CNTNAP5: variants seen among roughly 807,000 people sequenced by gnomAD.
The protein encoded by CNTNAP5 is contactin-associated protein-like 5.
Under a neutral mutation model 150.2 loss-of-function variants are expected in CNTNAP5, and 72 were observed. The observed-to-expected ratio is 0.48, with a 90% CI of 0.40 to 0.58. CNTNAP5 has a LOEUF of 0.58. CNTNAP5 is among the 20% of genes least tolerant of loss of function. The probability of loss-of-function intolerance (pLI) is 0.00; values close to 1 mark genes in which losing one functional copy is unlikely to be tolerated. For synonymous variants in CNTNAP5, 672 were observed against 619.8 expected (o/e 1.08, Z -1.25); for missense variants, 1,636 against 1,626.2 (o/e 1.01, Z -0.10).
At chr2:124,220,146 A>G (rs549521963) in intron 1 of CNTNAP5, among the ~76,000 whole-genome samples, 1 of 144,978 alleles carries the variant, frequency 6.9e-6, no homozygotes, top group Non-Finnish European at 1.5e-5. Flanking sequence ...AATGTTCTTT[A>G]AAAAAAAAAA....
chr2:124,798,182 T>A lies in CNTNAP5; in HGVS notation c.3079T>A (p.Ser1027Thr), dbSNP rs1460218213. 1 of 1,613,772 alleles carries A rather than the reference T, an allele frequency of 6.2e-7. No homozygotes were observed. Among genetic ancestry groups the A allele is most frequent in the Non-Finnish European group, 8.5e-7 (1 of 1,179,810 alleles). ...TGTGACCAAGAATATAAGCCTCTCA[T>A]CCTCAGCTATTTACACAGATTCAGC... The part of the protein sequence containing the change: ...YPVTKNISLS[S>T]SAIYTDSAPS... The change falls in exon 19 of 24, where the codon TCC (serine) becomes ACC (threonine). Residue 1027 changes from serine to threonine, a missense_variant. Coordinates refer to ENST00000682447, the MANE Select transcript of CNTNAP5 (RefSeq NM_001367498.1).
At chr2:124,062,057 T>C (rs1682024056) in intron 1 of CNTNAP5, among the ~76,000 whole-genome samples, 1 of 21,556 alleles carries the variant, frequency 4.6e-5, no homozygotes, top group Admixed American at 6.9e-4. Flanking sequence ...AGAGGTCTTG[T>C]TATCTTCAGG....
At chr2:124,277,958 T>A (rs993327733) in intron 3 of CNTNAP5, among the ~76,000 whole-genome samples, 2 of 152,136 alleles carry the variant, frequency 1.3e-5, no homozygotes, top group Non-Finnish European at 2.9e-5. Context: ...AGTGCCCCTG[T>A]TCTCCCAGCA....
At chr2:124,754,791 A>G (rs1475840190) in intron 14 of CNTNAP5, among the ~76,000 whole-genome samples, 1 of 151,998 alleles carries the variant, frequency 6.6e-6, no homozygotes, top group Non-Finnish European at 1.5e-5. Flanking sequence ...GACCTCAAGC[A>G]ATCCTCACGC....
At chr2:124,809,568 G>A (rs575937890) in intron 19 of CNTNAP5, among the ~76,000 whole-genome samples, 108 of 126,744 alleles carry the variant, frequency 8.5e-4, no homozygotes, top group African/African-American at 3.2e-3. Context: ...CACTCTGCCC[G>A]GCTGGGAACA....
intron 19 of CNTNAP5, among the ~76,000 whole-genome samples, chr2:124,851,793 C>A (rs975454266): frequency 1.3e-5 from 2 of 152,136 alleles, no homozygotes; most frequent in Non-Finnish European, 2.9e-5. Context: ...AGGGGGAAGG[C>A]CCACATGAAG....
chr2:124,455,264 A>G (rs1693094160), intron 6 of CNTNAP5, among the ~76,000 whole-genome samples: 1 of 152,172 alleles, frequency 6.6e-6, no homozygotes, highest in Admixed American at 6.5e-5. Flanking sequence ...AAAGACTATT[A>G]TAAACACCTT....
intron 3 of CNTNAP5, among the ~76,000 whole-genome samples, chr2:124,267,875 T>A (rs1315836255): frequency 6.6e-6 from 1 of 152,130 alleles, no homozygotes; most frequent in East Asian, 1.9e-4. Flanking sequence ...CAACTTCTAT[T>A]TTCTCGAACT....
At chr2:124,547,959 A>G (rs1475422598) in intron 10 of CNTNAP5, among the ~76,000 whole-genome samples, 1 of 152,174 alleles carries the variant, frequency 6.6e-6, no homozygotes, top group African/African-American at 2.4e-5. Context: ...TCTTACTTGC[A>G]TCTTCGAGCC....
At chr2:124,614,054 C>T (rs1388747629) in intron 12 of CNTNAP5, among the ~76,000 whole-genome samples, 1 of 152,124 alleles carries the variant, frequency 6.6e-6, no homozygotes, top group Non-Finnish European at 1.5e-5. Context: ...ACTTGTCAGA[C>T]TTTTAACAAT....
intron 12 of CNTNAP5, among the ~76,000 whole-genome samples, chr2:124,639,483 C>G (rs553432677): frequency 6.6e-6 from 1 of 152,022 alleles, no homozygotes; most frequent in African/African-American, 2.4e-5. Flanking sequence ...TTTTCTGACC[C>G]GGTACAAGGA....
intron 3 of CNTNAP5, among the ~76,000 whole-genome samples, chr2:124,328,234 A>C (rs1558852715): frequency 1.3e-5 from 2 of 152,136 alleles, no homozygotes; most frequent in Non-Finnish European, 2.9e-5. Flanking sequence ...TTAGAGTAAA[A>C]ATTCCACAGG....
chr2:124,693,521 A>C (rs1451614409), intron 13 of CNTNAP5, among the ~76,000 whole-genome samples: 1 of 152,126 alleles, frequency 6.6e-6, no homozygotes, highest in Non-Finnish European at 1.5e-5. Context: ...GCTGAGTTTT[A>C]TTCGTTTTTC....
At chr2:124,508,204 A>C (rs1024817333) in intron 8 of CNTNAP5, among the ~76,000 whole-genome samples, 11 of 152,218 alleles carry the variant, frequency 7.2e-5, no homozygotes, top group African/African-American at 2.7e-4. Context: ...GACTCAAGAG[A>C]TACAGCTAGA....
rs189388152 is a variant in CNTNAP5 at position 124,097,446 on chromosome 2, C to G, written c.82+71714C>G. ...AACCAAATAAATGCACAAAGTGAAACAGTATGCATATTCTGAAAATACAGA... is the reference window on the plus strand; with the variant it reads ...AACCAAATAAATGCACAAAGTGAAAGAGTATGCATATTCTGAAAATACAGA... On this transcript the variant is annotated intron_variant, in intron 1 of 23. Coordinates refer to ENST00000682447, the MANE Select transcript of CNTNAP5 (RefSeq NM_001367498.1). Among the ~76,000 whole-genome samples, 3 of 152,260 alleles carry G rather than the reference C, an allele frequency of 2.0e-5. No homozygotes were observed. In the East Asian group the frequency reaches 5.8e-4, roughly 30 times the overall value.
chr2:124,864,582 C>T (rs1677591607), intron 19 of CNTNAP5, among the ~76,000 whole-genome samples: 1 of 151,730 alleles, frequency 6.6e-6, no homozygotes, highest in African/African-American at 2.4e-5. Context: ...CTCACACACA[C>T]ACACACACAC....
chr2:124,367,474 A>G (rs1690406358), intron 3 of CNTNAP5, among the ~76,000 whole-genome samples: 1 of 152,110 alleles, frequency 6.6e-6, no homozygotes, highest in African/African-American at 2.4e-5. Context: ...AACCACCCCC[A>G]TGATTCAATT....
At chr2:124,828,825 T>C (rs931271027) in intron 19 of CNTNAP5, among the ~76,000 whole-genome samples, 3 of 137,892 alleles carry the variant, frequency 2.2e-5, no homozygotes, top group South Asian at 2.5e-4. Context: ...TACTGAAGAC[T>C]ATAGAATGAG....
At chr2:124,745,183 A>C (rs758389488) in intron 13 of CNTNAP5, among the ~76,000 whole-genome samples, 24 of 152,314 alleles carry the variant, frequency 1.6e-4, no homozygotes, top group Non-Finnish European at 3.2e-4. Flanking sequence ...ATCCACCAGA[A>C]GTTGCACACA....
Sources: allele counts gnomAD v4.1 joint callset (sites outside exome capture counted in the v4.1 genomes callset), GRCh38; gene constraint gnomAD v4.1.1; transcripts MANE v1.5; gene names NCBI Gene and HGNC (gene_info 2026-07-23, HGNC 2026-07-21).